The following TMEM252 variants were observed in gnomAD, a reference collection of about 807,000 sequenced individuals.
TMEM252 encodes transmembrane protein C9orf71.
A neutral mutation model predicts 6.4 loss-of-function variants in TMEM252; 4 were observed. The observed-to-expected ratio is 0.62, with a 90% CI of 0.31 to 1.43. The LOEUF is 1.43. Ranked by LOEUF, TMEM252 falls within the 40% of genes most tolerant of loss-of-function variation. The pLI is 0.07. For synonymous variants in TMEM252, 85 were observed against 82.5 expected (o/e 1.03, Z -0.17); for missense variants, 207 against 209.4 (o/e 0.99, Z 0.07).
chr9:68,540,744 C>T lies in TMEM252; in HGVS notation c.71G>A (p.Gly24Glu). ...GGAGCCCCAGGAAATGAAGAAGGCC[C>T]CCAGGCAGACCATCAGGAAACCCAT... The part of the protein sequence containing the change: ...LLMGFLMVCL[G>E]AFFISWGSIF... Residue 24 changes from glycine (G) to glutamate (E), a missense_variant, in exon 1 of 2, where the codon GGG (glycine) becomes GAG (glutamate). Coordinates refer to ENST00000377311, the MANE Select transcript of TMEM252 (RefSeq NM_153237.2). 6.2e-7 allele frequency: 1 copy of T among 1,614,122 alleles called. No homozygotes were observed. The highest frequency in any genetic ancestry group is 8.5e-7 in the Non-Finnish European group (1 of 1,180,028).
rs1195701819 is a variant in TMEM252, at chr9:68,537,229, C to T, written c.*30G>A. The T allele has an allele frequency of 8.9e-6, 14 of 1,577,782 alleles. No individual in the cohort carries two copies. The highest frequency in any genetic ancestry group is 2.7e-5 in the African/African-American group (2 of 73,330). ...CAGTAGCTGCTCCCCACAGTGGTGG[C>T]ATCATGAGTGCTGGAGAGCTTTCTC... is the stretch of plus-strand genomic sequence containing the variant. On this transcript the variant is annotated 3_prime_UTR_variant, in exon 2 of 2. Transcript: ENST00000377311.
intron 1 of TMEM252, among the ~76,000 whole-genome samples, chr9:68,537,792 G>T (rs1825159485): frequency 6.6e-6 from 1 of 152,196 alleles, no homozygotes; most frequent in African/African-American, 2.4e-5. Context: ...GCCATTCAGT[G>T]TGAGATCCTT....
At chr9:68,540,142 T>C (rs981480415) in intron 1 of TMEM252, among the ~76,000 whole-genome samples, 20 of 152,326 alleles carry the variant, frequency 1.3e-4, no homozygotes, top group Non-Finnish European at 2.5e-4. Flanking sequence ...TCTTCATTTG[T>C]TGTGTGGCAG....
chr9:68,539,186 T>C (rs753343600), intron 1 of TMEM252, among the ~76,000 whole-genome samples: 6 of 152,202 alleles, frequency 3.9e-5, no homozygotes, highest in African/African-American at 7.2e-5. Flanking sequence ...GAGGGCAAAA[T>C]AATTATAGTC....
Position 68,537,138 on chromosome 9 carries a change from C to A in TMEM252, c.*121G>T. 1 of 883,326 alleles carries A rather than the reference C, an allele frequency of 1.1e-6. No homozygotes were observed. Among genetic ancestry groups the A allele is most frequent in the Non-Finnish European group, 1.7e-6 (1 of 589,260 alleles). The allele number at this position is 883,326 out of a possible 1,614,324, so 54.7% of individuals were successfully genotyped here. ...GGAATTCAGGGCTGTCATCCCCTCCCCAAGCTCTCTTGTGGGGTCCCTGGT... is the reference window on the plus strand; with the variant it reads ...GGAATTCAGGGCTGTCATCCCCTCCACAAGCTCTCTTGTGGGGTCCCTGGT... On this transcript the variant is annotated 3_prime_UTR_variant, in exon 2 of 2. Coordinates refer to ENST00000377311, the MANE Select transcript of TMEM252 (RefSeq NM_153237.2).
At chr9:68,537,995 C>A (rs908466406) in intron 1 of TMEM252, among the ~76,000 whole-genome samples, 5 of 152,222 alleles carry the variant, frequency 3.3e-5, no homozygotes, top group Non-Finnish European at 7.3e-5. Flanking sequence ...TACCAGATGC[C>A]ATGTCTCTAT....
chr9:68,538,961 A>G (rs570558244), intron 1 of TMEM252, among the ~76,000 whole-genome samples: 1 of 152,374 alleles, frequency 6.6e-6, no homozygotes, highest in East Asian at 1.9e-4. Flanking sequence ...CTCTAGAGGC[A>G]TCTTCTACAA....
At position 68,537,438 on chromosome 9, in the gene TMEM252, A is replaced by T; in HGVS notation, c.334T>A (p.Cys112Ser). ...CCAGAGGCCTCTCTCTCTGCAGGAC[A>T]GCTCTGCTTTTCCACCTCAAGGCTC... is the stretch of plus-strand genomic sequence containing the variant. ...EESLEVEKQS[C>S]PAEREASGIP... is the part of the protein sequence containing the mutation. Residue 112 changes from cysteine (C) to serine (S), a missense_variant, in exon 2 of 2, where the codon TGT becomes AGT. Physicochemically the swap from Cys to Ser is moderately radical, Grantham distance 112. Coordinates refer to ENST00000377311, the MANE Select transcript of TMEM252 (RefSeq NM_153237.2). 1 of 1,604,082 alleles carries T rather than the reference A, an allele frequency of 6.2e-7. No individual in the cohort carries two copies. The highest frequency in any genetic ancestry group is 8.5e-7 in the Non-Finnish European group (1 of 1,177,288).
rs1025910011 is a variant in TMEM252 at position 68,540,475 on chromosome 9, C to G, written c.278+62G>C. 2.7e-5 allele frequency: 43 copies of G among 1,594,936 alleles called. No individual in the cohort carries two copies. In the African/African-American group the frequency reaches 5.2e-4, roughly 19 times the overall value. ...CTCCATAGTAGGATCAGAAATTACTCAGATCTTACACAACTCAGCCCATCT... is the reference window on the plus strand; with the variant it reads ...CTCCATAGTAGGATCAGAAATTACTGAGATCTTACACAACTCAGCCCATCT... On this transcript the variant is annotated intron_variant, in intron 1 of 1. Transcript: ENST00000377311.
rs1052183298 is a variant in TMEM252, at chr9:68,536,862, G to C, written c.*397C>G. The C allele has an allele frequency of 2.1e-5, 4 of 192,508 alleles. No homozygotes were observed. The South Asian group carries it at 4.1e-4, about 20-fold the overall frequency. The allele number at this position is 192,508 out of a possible 1,614,324, so 11.9% of individuals were successfully genotyped here. A position where few individuals can be genotyped will look rare whatever the true frequency, so the allele number is the denominator to read the frequency against. ...CGCTTTGAGATTACTAGGTGATATA[G>C]AACAGGAAGGCATGTGGCTGTCCTG... On this transcript the variant is annotated 3_prime_UTR_variant, in exon 2 of 2. Transcript: ENST00000377311.
intron 1 of TMEM252, among the ~76,000 whole-genome samples, chr9:68,538,150 G>A (rs404994): frequency 0.072 from 11,034 of 152,208 alleles, 566 homozygotes; most frequent in South Asian, 0.23. Context: ...CCATTCATTC[G>A]GGGGCTGATG....
Position 68,540,601 on chromosome 9 carries a change from C to G in TMEM252, c.214G>C (p.Val72Leu), listed in dbSNP as rs1266279555. 5 of 1,614,116 alleles carry G rather than the reference C, an allele frequency of 3.1e-6. No homozygotes were observed. The highest frequency in any genetic ancestry group is 1.7e-5 in the Admixed American group (1 of 60,016). The change falls in exon 1 of 2, where the codon GTG becomes CTG. Residue 72 changes from valine to leucine, a missense_variant. Transcript: ENST00000377311. Reference protein sequence around the residue: ...NYRQVTESKGVLRHMLRQHLA... With the variant: ...NYRQVTESKGLLRHMLRQHLA... ...TGTTGTCGGAGCATGTGCCTCAACA[C>G]TCCTTTGCTTTCAGTCACCTGGCGA...
chr9:68,537,787 T>G (rs1425628695), intron 1 of TMEM252, among the ~76,000 whole-genome samples: 1 of 152,202 alleles, frequency 6.6e-6, no homozygotes. Context: ...ACAGGGCCAT[T>G]CAGTGTGAGA....
At chr9:68,540,391 TA>T in intron 1 of TMEM252, 145 bp downstream of exon 1, 1 of 1,195,972 alleles carries the variant, frequency 8.4e-7, no homozygotes, top group Non-Finnish European at 1.1e-6. Context: ...AACCCCAGAG[TA>T]ATTCCCTGAC....
rs1360168839 is a variant in TMEM252 at position 68,540,801 on chromosome 9, G to C, written c.14C>G (p.Thr5Ser). 6.2e-7 allele frequency: 1 copy of C among 1,613,790 alleles called. No individual in the cohort carries two copies. Among genetic ancestry groups the C allele is most frequent in the African/African-American group, 1.3e-5 (1 of 74,896 alleles). Reference sequence around the variant, plus strand: ...GGCAAGAGCACAGAGAATGAGGCCAGTTCTGTTCTGCATCCTTGCACCTTA... The same window carrying C: ...GGCAAGAGCACAGAGAATGAGGCCACTTCTGTTCTGCATCCTTGCACCTTA... MQNR[T>S]GLILCALALL... Residue 5 changes from threonine (T) to serine (S), a missense_variant, in exon 1 of 2, where the codon ACT becomes AGT. Thr to Ser is a moderately conservative substitution (Grantham distance 58). Coordinates refer to ENST00000377311, the MANE Select transcript of TMEM252 (RefSeq NM_153237.2).
Position 68,536,719 on chromosome 9 carries a change from A to G in TMEM252, c.*540T>C, listed in dbSNP as rs982680061. On this transcript the variant is annotated 3_prime_UTR_variant, in exon 2 of 2. Coordinates refer to ENST00000377311, the MANE Select transcript of TMEM252 (RefSeq NM_153237.2). ...AATAACATTCATGGGTTCCGAGGGC[A>G]TATCTCCCAGGATGTGAAGTACTGC... The G allele has an allele frequency of 6.6e-6, 1 of 152,370 alleles. No individual in the cohort carries two copies. Among genetic ancestry groups the G allele is most frequent in the African/African-American group, 2.4e-5 (1 of 41,466 alleles). The allele number at this position is 152,370 out of a possible 1,614,324, so 9.4% of individuals were successfully genotyped here.
At chr9:68,537,575 A>G in intron 1 of TMEM252, 82 bp from the exon 2 acceptor site, 1 of 1,069,314 alleles carries the variant, frequency 9.4e-7, no homozygotes, top group Non-Finnish European at 1.4e-6. Context: ...CTCTCAGCTC[A>G]AATTGTGCGA....
Position 68,540,673 on chromosome 9 carries a change from G to A in TMEM252, c.142C>T (p.Pro48Ser), listed in dbSNP as rs1350857642. Residue 48 changes from proline (P) to serine (S), a missense_variant, in exon 1 of 2, where the codon CCT (proline) becomes TCT (serine). By Grantham distance (74) the Pro-to-Ser change is moderately conservative. Transcript: ENST00000377311. ...GSLIAAYLLL[P>S]LGFVILLSGI... Reference sequence around the variant, plus strand: ...CTCAGAAGGATCACAAACCCCAGAGGCAGAAGCAAATAGGCCGCAATCAGG... The same window carrying A: ...CTCAGAAGGATCACAAACCCCAGAGACAGAAGCAAATAGGCCGCAATCAGG... The A allele has an allele frequency of 3.1e-6, 5 of 1,614,130 alleles. No individual in the cohort carries two copies. The highest frequency in any genetic ancestry group is 1.3e-5 in the African/African-American group (1 of 75,054).
In TMEM252 at chr9:68,538,149, C is replaced by T. The variant is rs148728885; in HGVS notation, c.279-656G>A. 2.0e-4 allele frequency among the ~76,000 whole-genome samples: 30 copies of T among 152,306 alleles called. 1 individual carries two copies. The highest frequency in any genetic ancestry group is 2.9e-5 in the Non-Finnish European group (2 of 68,030). ...CAGTAGGCTAAAGCAGCCATTCATT[C>T]GGGGGCTGATGTACTCATTGGTCAT... On this transcript the variant is annotated intron_variant, in intron 1 of 1. Coordinates refer to ENST00000377311, the MANE Select transcript of TMEM252 (RefSeq NM_153237.2).
Sources: allele counts gnomAD v4.1 joint callset (sites outside exome capture counted in the v4.1 genomes callset), GRCh38; gene constraint gnomAD v4.1.1; transcripts MANE v1.5; gene names NCBI Gene and HGNC (gene_info 2026-07-23, HGNC 2026-07-21).